GRIA1: variants seen among roughly 807,000 people sequenced by gnomAD.
GRIA1 encodes glutamate ionotropic receptor AMPA type subunit 1, also known as glutamate receptor 1.
GRIA1 carries 31 observed loss-of-function variants against 99.2 expected under a neutral mutation model. That is an observed-to-expected ratio of 0.31 (90% confidence interval 0.23 to 0.42). The LOEUF is 0.42. Among genes scored for constraint, GRIA1 ranks in the 10% least tolerant of loss-of-function variants. GRIA1 has a pLI of 1.00. For synonymous variants in GRIA1, 438 were observed against 432.4 expected, an observed-to-expected ratio of 1.01 and a Z score of -0.16; for missense variants, 782 against 1,157.5, an observed-to-expected ratio of 0.68 and a Z score of 4.71.
chr5:153,751,427 G>C (rs1291007844), intron 11 of GRIA1, among the ~76,000 whole-genome samples: 1 of 152,254 alleles, frequency 6.6e-6, no homozygotes, highest in East Asian at 1.9e-4. Context: ...GCAGGAGTCA[G>C]CAAACTATGG....
chr5:153,591,272 G>C (rs575840633), intron 2 of GRIA1, among the ~76,000 whole-genome samples: 39 of 152,258 alleles, frequency 2.6e-4, no homozygotes, highest in African/African-American at 9.1e-4. Context: ...AAAATTATGA[G>C]TGTAATTTTA....
chr5:153,509,446 T>C (rs1379391877), intron 2 of GRIA1, among the ~76,000 whole-genome samples: 1 of 152,178 alleles, frequency 6.6e-6, no homozygotes, highest in Non-Finnish European at 1.5e-5. Context: ...TCTCACTGGC[T>C]CTCTTTTTTG....
intron 2 of GRIA1, among the ~76,000 whole-genome samples, chr5:153,547,861 G>C (rs567353624): frequency 3.3e-4 from 51 of 152,254 alleles, no homozygotes; most frequent in African/African-American, 1.2e-3. Flanking sequence ...CCTGGTCTGA[G>C]AGACACTGAA....
chr5:153,767,707 C>A (rs2149613094), intron 12 of GRIA1, among the ~76,000 whole-genome samples: 1 of 152,244 alleles, frequency 6.6e-6, no homozygotes, highest in South Asian at 2.1e-4. Flanking sequence ...CCATGACAGC[C>A]CAGAACTTCT....
At chr5:153,649,436 T>G (rs377554280) in intron 3 of GRIA1, among the ~76,000 whole-genome samples, 4 of 97,126 alleles carry the variant, frequency 4.1e-5, no homozygotes, top group Admixed American at 9.6e-5. Context: ...ATTTTATTTA[T>G]TTATTTAGTT....
At chr5:153,695,006 G>A (rs1757994868) in intron 8 of GRIA1, among the ~76,000 whole-genome samples, 1 of 151,980 alleles carries the variant, frequency 6.6e-6, no homozygotes, top group Non-Finnish European at 1.5e-5. Flanking sequence ...AAAACCTTAG[G>A]ACCATCTATG....
At chr5:153,790,232 C>G (rs897763965) in intron 13 of GRIA1, among the ~76,000 whole-genome samples, 1 of 152,224 alleles carries the variant, frequency 6.6e-6, no homozygotes, top group African/African-American at 2.4e-5. Flanking sequence ...CTGGAATACC[C>G]ACGTATTCTC....
intron 15 of GRIA1, among the ~76,000 whole-genome samples, chr5:153,805,465 G>C (rs1008411152): frequency 6.6e-6 from 1 of 152,120 alleles, no homozygotes; most frequent in Non-Finnish European, 1.5e-5. Context: ...AAGTATTGCC[G>C]TCAAAACCAC....
At chr5:153,538,118 T>G (rs1157950546) in intron 2 of GRIA1, among the ~76,000 whole-genome samples, 2 of 152,172 alleles carry the variant, frequency 1.3e-5, no homozygotes, top group Non-Finnish European at 2.9e-5. Context: ...AGGAAATTGA[T>G]GGCATAGACT....
At chr5:153,519,303 A>G (rs1280267509) in intron 2 of GRIA1, among the ~76,000 whole-genome samples, 8 of 152,024 alleles carry the variant, frequency 5.3e-5, no homozygotes, top group African/African-American at 1.9e-4. Flanking sequence ...CGAGGGTCTC[A>G]GGCCGGACCT....
intron 11 of GRIA1, among the ~76,000 whole-genome samples, chr5:153,745,399 C>T (rs1762080213): frequency 6.6e-6 from 1 of 151,608 alleles, no homozygotes; most frequent in Non-Finnish European, 1.5e-5. Flanking sequence ...ACCAGCCTGG[C>T]CAGTGTGGTG....
chr5:153,672,289 C>T (rs575500912), intron 5 of GRIA1, among the ~76,000 whole-genome samples: 17 of 152,300 alleles, frequency 1.1e-4, no homozygotes, highest in African/African-American at 3.4e-4. Flanking sequence ...ACATGTCTAA[C>T]TTAGCCTGCA....
At chr5:153,671,327 A>G (rs906763751) in intron 5 of GRIA1, among the ~76,000 whole-genome samples, 6 of 152,172 alleles carry the variant, frequency 3.9e-5, no homozygotes, top group Non-Finnish European at 5.9e-5. Context: ...ACTGCAGGAG[A>G]TACTTTCCAT....
chr5:153,758,781 A>G (rs1350853140), intron 11 of GRIA1, among the ~76,000 whole-genome samples: 1 of 152,020 alleles, frequency 6.6e-6, no homozygotes, highest in Non-Finnish European at 1.5e-5. Context: ...GCAACAGAAC[A>G]TAGAACAGTC....
At chr5:153,553,763 T>C (rs773313925) in intron 2 of GRIA1, among the ~76,000 whole-genome samples, 8 of 152,202 alleles carry the variant, frequency 5.3e-5, no homozygotes, top group African/African-American at 1.4e-4. Flanking sequence ...GAAAATGCGA[T>C]CACCAGTTTC....
intron 11 of GRIA1, among the ~76,000 whole-genome samples, chr5:153,740,574 T>G (rs1240325832): frequency 6.6e-6 from 1 of 152,198 alleles, no homozygotes; most frequent in African/African-American, 2.4e-5. Context: ...AAATGGCAAC[T>G]GGGGGAAAAT....
chr5:153,699,688 T>G (rs545504485), intron 10 of GRIA1, among the ~76,000 whole-genome samples: 11 of 152,118 alleles, frequency 7.2e-5, no homozygotes, highest in South Asian at 4.2e-4. Flanking sequence ...TAGTTGCTGG[T>G]TTTTTTTAAT....
intron 2 of GRIA1, among the ~76,000 whole-genome samples, chr5:153,511,004 G>C (rs1165318467): frequency 1.3e-5 from 2 of 152,174 alleles, no homozygotes; most frequent in African/African-American, 2.4e-5. Flanking sequence ...AAGGGGTGCT[G>C]TGTTTTAGGA....
intron 2 of GRIA1, among the ~76,000 whole-genome samples, chr5:153,621,261 T>C (rs1767018503): frequency 6.6e-6 from 1 of 152,170 alleles, no homozygotes; most frequent in Non-Finnish European, 1.5e-5. Flanking sequence ...TTAGTAGGTC[T>C]CCTTATGATG....
Sources: allele counts gnomAD v4.1 joint callset (sites outside exome capture counted in the v4.1 genomes callset), GRCh38; gene constraint gnomAD v4.1.1; transcripts MANE v1.5; gene names NCBI Gene and HGNC (gene_info 2026-07-23, HGNC 2026-07-21).